Variants in RELL2 observed in about 807,000 individuals in gnomAD.
The protein encoded by RELL2 is RELT-like protein 2.
RELL2 carries 18 observed loss-of-function variants against 27.5 expected under a neutral mutation model. The observed-to-expected ratio is 0.65, with a 90% CI of 0.45 to 0.97. RELL2 has a LOEUF of 0.97. RELL2 is among the 50% of genes least tolerant of loss of function. The pLI is 0.00. For synonymous variants in RELL2, 156 were observed against 147.5 expected (o/e 1.06, Z -0.42); for missense variants, 370 against 397.5 (o/e 0.93, Z 0.59).
chr5:141,640,689 T>A lies in RELL2; in HGVS notation c.*20T>A. 1 of 1,534,938 alleles carries A rather than the reference T, an allele frequency of 6.5e-7. No individual in the cohort carries two copies. On this transcript the variant is annotated 3_prime_UTR_variant, in exon 7 of 7. Transcript: ENST00000297164. ...CTCCAAGTCTCCTTCATTGTGCTGA[T>A]GGACTACCAGCTGGCAGGGCCAGGG...
rs1334356973 is a variant in RELL2, at chr5:141,639,972, G to C, written c.556G>C (p.Gly186Arg). 6.2e-7 allele frequency: 1 copy of C among 1,613,984 alleles called. No homozygotes were observed. The highest frequency in any genetic ancestry group is 1.3e-5 in the African/African-American group (1 of 75,050). The change falls in exon 5 of 7, where the codon GGC becomes CGC. Residue 186 changes from glycine (G) to arginine (R), a missense_variant. Gly to Arg is a moderately radical substitution (Grantham distance 125, BLOSUM62 -2). Coordinates refer to ENST00000297164, the MANE Select transcript of RELL2 (RefSeq NM_173828.5). This position sits in a 1 kb window ranked among gnomAD's most constrained non-coding sequence, Gnocchi z 4.4. ...KRYGLHEHRD[G>R]SPTDRSWGSG... is the part of the protein sequence containing the mutation. ...CTATGGACTGCACGAACACCGTGAT[G>C]GCTCCCCCACAGACAGGAGCTGGGG...
intron 5 of RELL2, 26 bp downstream of exon 5, chr5:141,640,321 C>T: frequency 6.2e-7 from 1 of 1,613,866 alleles, no homozygotes; most frequent in Non-Finnish European, 8.5e-7. Context: ...CGGGACTGCA[C>T]TGGGCTGGGC....
Position 141,639,274 on chromosome 5 carries a change from A to T in RELL2, c.318-190A>T. 1 of 612,468 alleles carries T rather than the reference A, an allele frequency of 1.6e-6. No homozygotes were observed. Among genetic ancestry groups the T allele is most frequent in the Non-Finnish European group, 2.8e-6 (1 of 353,110 alleles). The allele number at this position is 612,468 out of a possible 1,614,324, so 37.9% of individuals were successfully genotyped here. On this transcript the variant is annotated intron_variant, in intron 3 of 6. Coordinates refer to ENST00000297164, the MANE Select transcript of RELL2 (RefSeq NM_173828.5). This position sits in a 1 kb window ranked among gnomAD's most constrained non-coding sequence, Gnocchi z 4.4. Reference sequence around the variant, plus strand: ...TTAAGCAGTGTTCTTTTTAGCAAACAGCCCTGGGAGGAAGAACATATGGTC... The same window carrying T: ...TTAAGCAGTGTTCTTTTTAGCAAACTGCCCTGGGAGGAAGAACATATGGTC...
rs2099906165 is a variant in RELL2 at position 141,637,200 on chromosome 5, TC to T, written c.-1021del. ...CCCTCAAAGGTGCGGAAAGCCGGCT[TC>T]CCCCAGCCCTCGGAGAAGATTCCTG... is the stretch of plus-strand genomic sequence containing the variant. On this transcript the variant is annotated 5_prime_UTR_variant, in exon 1 of 7. The change creates a premature stop within an existing upstream ORF in the 5' untranslated region. Coordinates refer to ENST00000297164, the MANE Select transcript of RELL2 (RefSeq NM_173828.5). 1 of 175,474 alleles carries T rather than the reference TC, an allele frequency of 5.7e-6. No homozygotes were observed. Among genetic ancestry groups the T allele is most frequent in the Non-Finnish European group, 1.2e-5 (1 of 84,196 alleles). 10.9% of individuals were successfully genotyped at this position (175,474 alleles called of 1,614,324 possible).
At position 141,639,288 on chromosome 5, in the gene RELL2, G is replaced by A. The variant is rs1697628858; in HGVS notation, c.318-176G>A. 2 of 621,372 alleles carry A rather than the reference G, an allele frequency of 3.2e-6. No homozygotes were observed. The highest frequency in any genetic ancestry group is 5.5e-6 in the Non-Finnish European group (2 of 360,646). The allele number at this position is 621,372 out of a possible 1,614,324, so 38.5% of individuals were successfully genotyped here. Reference sequence around the variant, plus strand: ...TTTTAGCAAACAGCCCTGGGAGGAAGAACATATGGTCACTAACATCTTAAT... The same window carrying A: ...TTTTAGCAAACAGCCCTGGGAGGAAAAACATATGGTCACTAACATCTTAAT... On this transcript the variant is annotated intron_variant, in intron 3 of 6. Coordinates refer to ENST00000297164, the MANE Select transcript of RELL2 (RefSeq NM_173828.5). This position sits in a 1 kb window ranked among gnomAD's most constrained non-coding sequence, Gnocchi z 4.4.
At chr5:141,638,479 C>A in intron 1 of RELL2, 70 bp downstream of exon 1, 1 of 1,423,968 alleles carries the variant, frequency 7.0e-7, no homozygotes, top group Non-Finnish European at 9.5e-7. Context: ...GCCTCCCTGA[C>A]CAACAGACCC....
Position 141,639,381 on chromosome 5 carries a change from G to A in RELL2, c.318-83G>A, listed in dbSNP as rs2099906572. 8.3e-7 allele frequency: 1 copy of A among 1,199,422 alleles called. No homozygotes were observed. Among genetic ancestry groups the A allele is most frequent in the Non-Finnish European group, 1.2e-6 (1 of 852,654 alleles). 74.3% of individuals were successfully genotyped at this position (1,199,422 alleles called of 1,614,324 possible). A position where few individuals can be genotyped will look rare whatever the true frequency, so the allele number is the denominator to read the frequency against. On this transcript the variant is annotated intron_variant, in intron 3 of 6. Transcript: ENST00000297164. This position sits in a 1 kb window ranked among gnomAD's most constrained non-coding sequence, Gnocchi z 4.4. The stretch of plus-strand genomic sequence containing the variant: ...GAAATTGGGGCTTCTGGGGTTTTAA[G>A]GAGCATGCTGAAAGAACGTAAGAAA...
At position 141,640,087 on chromosome 5, in the gene RELL2, C is replaced by A. The variant is rs572034845; in HGVS notation, c.671C>A (p.Pro224His). The change falls in exon 5 of 7, where the codon CCT becomes CAT. Residue 224 changes from proline (P) to histidine (H), a missense_variant. Physicochemically the swap from Pro to His is moderately conservative, Grantham distance 77 (BLOSUM62 -2). Coordinates refer to ENST00000297164, the MANE Select transcript of RELL2 (RefSeq NM_173828.5). The stretch of plus-strand genomic sequence containing the variant: ...ATGCCTGCCATGGAGAGGCTGCCCC[C>A]TGAGAGGCCACAGCCCCAGGTCCTA... ...AGMPAMERLP[P>H]ERPQPQVLAS... 26 of 1,613,606 alleles carry A rather than the reference C, an allele frequency of 1.6e-5. No individual in the cohort carries two copies. In the East Asian group the frequency reaches 4.9e-4, roughly 30 times the overall value.
Position 141,637,228 on chromosome 5 carries a change from C to A in RELL2, c.-998C>A. On this transcript the variant is annotated 5_prime_UTR_variant, in exon 1 of 7. Coordinates refer to ENST00000297164, the MANE Select transcript of RELL2 (RefSeq NM_173828.5). ...CCCAGCCCTCGGAGAAGATTCCTGA[C>A]TCTCCGCTCGGTCGGGGCATCTGAG... is the stretch of plus-strand genomic sequence containing the variant. 6.1e-6 allele frequency: 1 copy of A among 164,206 alleles called. No homozygotes were observed. The highest frequency in any genetic ancestry group is 1.3e-5 in the Non-Finnish European group (1 of 76,536). The allele number at this position is 164,206 out of a possible 1,614,324, so 10.2% of individuals were successfully genotyped here.
Position 141,640,854 on chromosome 5 carries a change from T to G in RELL2, c.*185T>G. 2 of 601,220 alleles carry G rather than the reference T, an allele frequency of 3.3e-6. No homozygotes were observed. The highest frequency in any genetic ancestry group is 5.8e-6 in the Non-Finnish European group (2 of 344,656). 37.2% of individuals were successfully genotyped at this position (601,220 alleles called of 1,614,324 possible). ...GTCACAGCCCCTCAGTCTCTTCTCC[T>G]TCCCCTGCCTGCAACAGGCTGCCTG... On this transcript the variant is annotated 3_prime_UTR_variant, in exon 7 of 7. Coordinates refer to ENST00000297164, the MANE Select transcript of RELL2 (RefSeq NM_173828.5).
Position 141,640,136 on chromosome 5 carries a change from A to T in RELL2, c.720A>T (p.Gly240=). The change falls in exon 5 of 7, where the codon GGA becomes GGT. Residue 240 remains glycine (G), a synonymous_variant. Transcript: ENST00000297164. ...TAGCCAGCCCCCCAGTACAGAATGG[A>T]GGACTCAGGGACAGCAGCCTAACCC... ...QVLASPPVQN[G]GLRDSSLTPR... 1 of 1,614,078 alleles carries T rather than the reference A, an allele frequency of 6.2e-7. No homozygotes were observed. The highest frequency in any genetic ancestry group is 1.1e-5 in the South Asian group (1 of 91,088).
At chr5:141,640,492 C>A (rs1294689887) in intron 6 of RELL2, 47 bp downstream of exon 6, 2 of 1,613,886 alleles carry the variant, frequency 1.2e-6, no homozygotes, top group Non-Finnish European at 1.7e-6. Flanking sequence ...CTTCCCATCA[C>A]CTACTTAAAC....
Position 141,640,841 on chromosome 5 carries a change from C to CA in RELL2, c.*173dup, listed in dbSNP as rs1392587941. Reference sequence around the variant, plus strand: ...GGCCTCAGGAGAGGTCACAGCCCCTCAGTCTCTTCTCCTTCCCCTGCCTGC... The same window carrying CA: ...GGCCTCAGGAGAGGTCACAGCCCCTCAAGTCTCTTCTCCTTCCCCTGCCTGC... On this transcript the variant is annotated 3_prime_UTR_variant, in exon 7 of 7. Transcript: ENST00000297164. 1 of 631,262 alleles carries CA rather than the reference C, an allele frequency of 1.6e-6. No individual in the cohort carries two copies. The highest frequency in any genetic ancestry group is 2.7e-6 in the Non-Finnish European group (1 of 368,668). The allele number at this position is 631,262 out of a possible 1,614,324, so 39.1% of individuals were successfully genotyped here. A position where few individuals can be genotyped will look rare whatever the true frequency, so the allele number is the denominator to read the frequency against.
rs773450093 is a variant in RELL2, at chr5:141,638,873, T to C, written c.250+13T>C. The stretch of plus-strand genomic sequence containing the variant: ...ATCCAGAATGAAGGTGGGTCTAGCA[T>C]AGCCCCTTGCTCCCTCTTCTCCAAC... On this transcript the variant is annotated intron_variant, in intron 2 of 6. Transcript: ENST00000297164. The C allele has an allele frequency of 1.9e-6, 3 of 1,613,702 alleles. No homozygotes were observed. The highest frequency in any genetic ancestry group is 2.5e-6 in the Non-Finnish European group (3 of 1,179,554).
chr5:141,639,308 C>G lies in RELL2; in HGVS notation c.318-156C>G, dbSNP rs570051558. ...AGGAAGAACATATGGTCACTAACAT[C>G]TTAATATTGAGTTTATTAGATAAAG... On this transcript the variant is annotated intron_variant, in intron 3 of 6. Coordinates refer to ENST00000297164, the MANE Select transcript of RELL2 (RefSeq NM_173828.5). This position sits in a 1 kb window ranked among gnomAD's most constrained non-coding sequence, Gnocchi z 4.4. 2.8e-5 allele frequency: 18 copies of G among 642,710 alleles called. No homozygotes were observed. The highest frequency in any genetic ancestry group is 4.5e-5 in the Non-Finnish European group (17 of 378,338). The allele number at this position is 642,710 out of a possible 1,614,324, so 39.8% of individuals were successfully genotyped here. A position where few individuals can be genotyped will look rare whatever the true frequency, so the allele number is the denominator to read the frequency against.
At position 141,637,933 on chromosome 5, in the gene RELL2, G is replaced by A; in HGVS notation, c.-293G>A. ...ATCTCGTGCTGCAGTGTCCTTGGGA[G>A]GGACAGAAGCGCGAACAAGCTGGAA... On this transcript the variant is annotated 5_prime_UTR_variant, in exon 1 of 7. Coordinates refer to ENST00000297164, the MANE Select transcript of RELL2 (RefSeq NM_173828.5). 5.5e-6 allele frequency: 2 copies of A among 365,714 alleles called. No homozygotes were observed. Among genetic ancestry groups the A allele is most frequent in the South Asian group, 3.7e-5 (1 of 26,862 alleles). 22.7% of individuals were successfully genotyped at this position (365,714 alleles called of 1,614,324 possible).
chr5:141,639,898 C>T lies in RELL2; in HGVS notation c.504-22C>T. 1 of 1,613,288 alleles carries T rather than the reference C, an allele frequency of 6.2e-7. No homozygotes were observed. The highest frequency in any genetic ancestry group is 1.7e-5 in the Admixed American group (1 of 60,024). On this transcript the variant is annotated intron_variant, in intron 4 of 6. Transcript: ENST00000297164. This position sits in a 1 kb window ranked among gnomAD's most constrained non-coding sequence, Gnocchi z 4.4. ...AGCCTCTGAGTTGTGGTCCTAAACC[C>T]CAGTGTTCCCTCCCCTCCCAGGTTC... is the stretch of plus-strand genomic sequence containing the variant.
At chr5:141,638,738 A>C in intron 1 of RELL2, 57 bp from the exon 2 acceptor site, 1 of 1,433,028 alleles carries the variant, frequency 7.0e-7, no homozygotes, top group South Asian at 1.1e-5. Flanking sequence ...CCACCAGGTA[A>C]TATTCCCCCA....
chr5:141,640,361 G>A, intron 5 of RELL2, 51 bp from the exon 6 acceptor site: 3 of 1,614,102 alleles, frequency 1.9e-6, no homozygotes, highest in Non-Finnish European at 2.5e-6. Flanking sequence ...GGGGGGCACT[G>A]ATAGGACCTA....
Sources: allele counts gnomAD v4.1 joint callset, GRCh38; gene constraint gnomAD v4.1.1; non-coding constraint Gnocchi (gnomAD v3.1); transcripts MANE v1.5; gene names NCBI Gene and HGNC (gene_info 2026-07-23, HGNC 2026-07-21).